The following TDP2 variants were observed in gnomAD, a reference collection of about 807,000 sequenced individuals.
TDP2 encodes tyrosyl-DNA phosphodiesterase 2.
TDP2 carries 38 observed loss-of-function variants against 42.8 expected under a neutral mutation model. The ratio of observed to expected loss-of-function variants is 0.89; its 90% confidence interval spans 0.68 to 1.16. The LOEUF is 1.16. Among genes scored for constraint, TDP2 ranks in the 50% most tolerant of loss-of-function variants. TDP2 has a pLI of 0.00. For synonymous variants in TDP2, 173 were observed against 150.6 expected (o/e 1.15, Z -1.09); for missense variants, 439 against 439.3 (o/e 1.00, Z 0.01).
At position 24,650,832 on chromosome 6, in the gene TDP2, T is replaced by C. The variant is rs367700182; in HGVS notation, c.1045A>G (p.Ser349Gly). 2.8e-5 allele frequency: 45 copies of C among 1,613,876 alleles called. No homozygotes were observed. Among genetic ancestry groups the C allele is most frequent in the Non-Finnish European group, 3.7e-5 (44 of 1,179,876 alleles). Residue 349 changes from serine (S) to glycine (G), a missense_variant, in exon 7 of 7, where the codon AGT (serine) becomes GGT (glycine). Physicochemically the swap from Ser to Gly is moderately conservative, Grantham distance 56. Transcript: ENST00000378198. The stretch of plus-strand genomic sequence containing the variant: ...TTGCACAGAAGACCCCAGTGATCAC[T>C]AGGAAATCTACCACAGTCCAGTTTT... ...LEKLDCGRFP[S>G]DHWGLLCNLD...
intron 2 of TDP2, among the ~76,000 whole-genome samples, chr6:24,664,616 C>T (rs1778203116): frequency 2.0e-5 from 3 of 152,164 alleles, no homozygotes; most frequent in South Asian, 4.1e-4. Flanking sequence ...ACAGCCAATG[C>T]CCTTGCTCAG....
chr6:24,666,147 CTAGAA>C (rs754191435), intron 2 of TDP2: 1 of 1,550,374 alleles, frequency 6.5e-7, no homozygotes, highest in Non-Finnish European at 8.7e-7. Context: ...AGCCTAGGGC[CTAGAA>C]TAAATAAACA....
At chr6:24,663,946 C>G (rs1778193010) in intron 2 of TDP2, among the ~76,000 whole-genome samples, 1 of 152,188 alleles carries the variant, frequency 6.6e-6, no homozygotes, top group African/African-American at 2.4e-5. Flanking sequence ...TAAAAATTTC[C>G]TTTTGGAAAA....
chr6:24,666,472 C>G, intron 2 of TDP2, 54 bp downstream of exon 2: 1 of 1,575,598 alleles, frequency 6.3e-7, no homozygotes, highest in South Asian at 1.1e-5. Context: ...CGCAGGGCTA[C>G]CTGGTATCAA....
intron 6 of TDP2, among the ~76,000 whole-genome samples, chr6:24,652,671 C>A (rs200970414): frequency 8.5e-6 from 1 of 117,914 alleles, no homozygotes; most frequent in African/African-American, 3.9e-5. Flanking sequence ...TGCAAAGAAA[C>A]AACCTTTTCT....
chr6:24,651,160 G>T, intron 6 of TDP2, 91 bp from the exon 7 acceptor site: 1 of 1,042,204 alleles, frequency 9.6e-7, no homozygotes, highest in Non-Finnish European at 1.4e-6. Context: ...TGCTATTACC[G>T]TGCAAGAAAT....
chr6:24,666,102 T>TAAC (rs759767634), intron 2 of TDP2: 7 of 1,531,140 alleles, frequency 4.6e-6, no homozygotes, highest in South Asian at 2.5e-5. Context: ...TAAAAAAAAA[T>TAAC]AACAACAACA....
intron 6 of TDP2, 90 bp downstream of exon 6, chr6:24,652,893 C>A: frequency 1.4e-6 from 2 of 1,401,852 alleles, no homozygotes; most frequent in Non-Finnish European, 2.0e-6. Context: ...GACTAAAGGT[C>A]CTAGTTTTAA....
At chr6:24,657,733 C>T in intron 4 of TDP2, 79 bp downstream of exon 4, 1 of 766,314 alleles carries the variant, frequency 1.3e-6, no homozygotes, top group Admixed American at 3.0e-5. Context: ...CTCTATGTCC[C>T]AATAGACCAA....
chr6:24,653,096 C>A lies in TDP2; in HGVS notation c.694G>T (p.Gly232Trp). 3 of 1,614,122 alleles carry A rather than the reference C, an allele frequency of 1.9e-6. No homozygotes were observed. Among genetic ancestry groups the A allele is most frequent in the Non-Finnish European group, 2.5e-6 (3 of 1,180,018 alleles). ...TGATTCATTCGTTCCGCAGCATGCC[C>A]TCTGGTGCTCTCCAAATGGGATGTC... ...LMTSHLESTR[G>W]HAAERMNQLK... The change falls in exon 6 of 7, where the codon GGG (glycine) becomes TGG (tryptophan). Residue 232 changes from glycine (G) to tryptophan (W), a missense_variant. Coordinates refer to ENST00000378198, the MANE Select transcript of TDP2 (RefSeq NM_016614.3).
At chr6:24,653,788 G>T (rs950682151) in intron 5 of TDP2, among the ~76,000 whole-genome samples, 1 of 152,166 alleles carries the variant, frequency 6.6e-6, no homozygotes, top group Non-Finnish European at 1.5e-5. Flanking sequence ...ACACTCAACT[G>T]AATAGAATGC....
intron 6 of TDP2, among the ~76,000 whole-genome samples, chr6:24,652,541 A>T (rs924664147): frequency 2.6e-5 from 4 of 152,196 alleles, no homozygotes; most frequent in African/African-American, 9.7e-5. Flanking sequence ...AAAAGTGGGT[A>T]AAAAAGGCTA....
intron 4 of TDP2, among the ~76,000 whole-genome samples, chr6:24,656,551 C>A (rs1778064444): frequency 6.6e-6 from 1 of 151,950 alleles, no homozygotes; most frequent in Non-Finnish European, 1.5e-5. Context: ...GCATTCAGTA[C>A]AATAGATTTT....
At chr6:24,662,293 G>C (rs1304010059) in intron 2 of TDP2, among the ~76,000 whole-genome samples, 2 of 152,104 alleles carry the variant, frequency 1.3e-5, no homozygotes, top group East Asian at 3.8e-4. Context: ...GTTGAGAAAA[G>C]AGGAAGGCAT....
chr6:24,666,210 T>A, intron 2 of TDP2: 1 of 1,549,556 alleles, frequency 6.5e-7, no homozygotes, highest in Non-Finnish European at 8.7e-7. Flanking sequence ...CGATAGAAGG[T>A]TTAGCCTTCG....
intron 2 of TDP2, among the ~76,000 whole-genome samples, chr6:24,660,993 T>A (rs927440824): frequency 5.3e-5 from 8 of 152,230 alleles, no homozygotes; most frequent in Admixed American, 6.5e-5. Flanking sequence ...TTCCTGGTGA[T>A]GTTAGCTTTG....
Position 24,666,601 on chromosome 6 carries a change from T to A in TDP2, c.176A>T (p.Asn59Ile). 2 of 1,613,818 alleles carry A rather than the reference T, an allele frequency of 1.2e-6. No homozygotes were observed. ...ENDWEMERAL[N>I]SYFEPPVEES... ...CTCCACCGGAGGCTCGAAGTAGGAG[T>A]TCAGAGCCCTCTGAAAAACAAAGGC... Residue 59 changes from asparagine to isoleucine, a missense_variant, in exon 2 of 7, where the codon AAC (asparagine) becomes ATC (isoleucine). Coordinates refer to ENST00000378198, the MANE Select transcript of TDP2 (RefSeq NM_016614.3).
intron 6 of TDP2, among the ~76,000 whole-genome samples, chr6:24,652,738 TAC>T (rs1554187931): frequency 1.3e-5 from 2 of 151,964 alleles, no homozygotes; most frequent in African/African-American, 4.8e-5. Flanking sequence ...TATATATATA[TAC>T]ACACACACAT....
intron 6 of TDP2, 162 bp downstream of exon 6, chr6:24,652,821 G>T: frequency 1.4e-6 from 1 of 698,818 alleles, no homozygotes; most frequent in Non-Finnish European, 2.4e-6. Flanking sequence ...CTTCCCCTAG[G>T]CATACAGCAT....
Sources: allele counts gnomAD v4.1 joint callset (sites outside exome capture counted in the v4.1 genomes callset), GRCh38; gene constraint gnomAD v4.1.1; transcripts MANE v1.5; gene names NCBI Gene and HGNC (gene_info 2026-07-23, HGNC 2026-07-21).